Variants in CPZ observed in about 807,000 individuals in gnomAD.
CPZ encodes the protein carboxypeptidase Z, also known as VEZT/CPZ fusion.
Under a neutral mutation model 61.8 loss-of-function variants are expected in CPZ, and 103 were observed. The observed-to-expected ratio is 1.67, with a 90% confidence interval of 1.42 to 1.96. The LOEUF is 1.96. CPZ is among the 30% of genes most tolerant of loss of function. The pLI, the probability that CPZ is intolerant of heterozygous loss-of-function variation, is 0.00. For synonymous variants in CPZ, 551 were observed against 373.7 expected, an observed-to-expected ratio of 1.47 and a Z score of -5.47; for missense variants, 1,461 against 914.9, an observed-to-expected ratio of 1.60 and a Z score of -7.70.
intron 10 of CPZ, 55 bp downstream of exon 10, chr4:8,618,583 A>T: frequency 6.5e-7 from 1 of 1,527,974 alleles, no homozygotes; most frequent in Non-Finnish European, 9.0e-7. Context: ...GAAATGCCAC[A>T]CCGTGGCAGC....
intron 2 of CPZ, among the ~76,000 whole-genome samples, chr4:8,600,689 C>A (rs895699383): frequency 3.3e-5 from 5 of 152,232 alleles, no homozygotes; most frequent in African/African-American, 1.2e-4. Flanking sequence ...TCCTGAGCCC[C>A]AACTGACCCA....
At chr4:8,606,233 C>T (rs1714991057) in intron 5 of CPZ, 48 bp downstream of exon 5, 8 of 1,539,058 alleles carry the variant, frequency 5.2e-6, no homozygotes, top group Non-Finnish European at 7.1e-6. Flanking sequence ...CCGAACCACC[C>T]CCTCATTCAT....
rs371380953 is a variant in CPZ, at chr4:8,618,477, G to C, written c.1552G>C (p.Val518Leu). ...GGTGACAGATAAATTCGGCAAGCCA[G>C]TCAAAAACGCCCGGATCTCAGTCAA... ...GVVTDKFGKPVKNARISVKGI... is the reference protein window; with the variant it reads ...GVVTDKFGKPLKNARISVKGI... The change falls in exon 10 of 11, where the codon GTC becomes CTC. Residue 518 changes from valine to leucine, a missense_variant. Physicochemically the swap from Val to Leu is conservative, Grantham distance 32 (BLOSUM62 1). Transcript: ENST00000360986. 1.5e-5 allele frequency: 24 copies of C among 1,613,960 alleles called. No individual in the cohort carries two copies. The African/African-American group carries it at 3.1e-4, about 21-fold the overall frequency.
chr4:8,609,127 T>TCATTTACTCATTCACCCATTCAC (rs1715348301), intron 7 of CPZ, among the ~76,000 whole-genome samples: 2 of 139,360 alleles, frequency 1.4e-5, no homozygotes, highest in Non-Finnish European at 3.1e-5. Context: ...CCCTCACTCA[T>TCATTTACTCATTCACCCATTCAC]TCACTCATTT....
chr4:8,601,368 G>T lies in CPZ; in HGVS notation c.367G>T (p.Glu123Ter), dbSNP rs376055281. 4.4e-6 allele frequency: 7 copies of T among 1,601,508 alleles called. No homozygotes were observed. In the African/African-American group the frequency reaches 9.4e-5, roughly 21 times the overall value. Reference sequence around the variant, plus strand: ...GCGCAGACCCTGCCGGCACATCTGCGAGGGCCTGCGGGAGGTCTGCCAGCC... The same window carrying T: ...GCGCAGACCCTGCCGGCACATCTGCTAGGGCCTGCGGGAGGTCTGCCAGCC... The part of the protein sequence containing the change: ...WVRRPCRHIC[E>*]GLREVCQPAF... The change falls in exon 3 of 11, where the codon GAG (glutamate) becomes TAG (stop). Residue 123 changes from glutamate (E) to a stop codon, truncating the protein, a stop_gained. Transcript: ENST00000360986. LOFTEE classifies it high-confidence loss of function.
intron 10 of CPZ, among the ~76,000 whole-genome samples, 154 bp downstream of exon 10, chr4:8,618,682 G>C (rs1347987337): frequency 6.6e-6 from 1 of 152,196 alleles, no homozygotes; most frequent in Non-Finnish European, 1.5e-5. Context: ...AGGGTGGGCA[G>C]GAACCAGGGT....
At chr4:8,611,884 C>T in intron 7 of CPZ, 143 bp from the exon 8 acceptor site, 2 of 1,188,982 alleles carry the variant, frequency 1.7e-6, no homozygotes, top group Non-Finnish European at 2.4e-6. Flanking sequence ...GACACCGTTC[C>T]CCTCTCCTAC....
chr4:8,616,930 G>C (rs539938236), intron 9 of CPZ, among the ~76,000 whole-genome samples: 1 of 152,308 alleles, frequency 6.6e-6, no homozygotes, highest in African/African-American at 2.4e-5. Flanking sequence ...CGCGTCAGGA[G>C]GGCTGGGACC....
intron 9 of CPZ, 69 bp from the exon 10 acceptor site, chr4:8,618,360 G>A (rs530501799): frequency 2.6e-5 from 38 of 1,471,108 alleles, no homozygotes; most frequent in Non-Finnish European, 3.4e-5. Context: ...TGTGGGGAAC[G>A]AGCTGACGGC....
At position 8,600,927 on chromosome 4, in the gene CPZ, G is replaced by T. The variant is rs999300451; in HGVS notation, c.122-196G>T. 3 of 1,342,730 alleles carry T rather than the reference G, an allele frequency of 2.2e-6. No homozygotes were observed. The African/African-American group carries it at 4.5e-5, about 20-fold the overall frequency. The allele number at this position is 1,342,730 out of a possible 1,614,324, so 83.2% of individuals were successfully genotyped here. On this transcript the variant is annotated intron_variant, in intron 2 of 10. Transcript: ENST00000360986. ...GCTGGTGGGTAGTTGAATCTGGTTG[G>T]TCTTAGGCTCCTCCTCTGGTCTCTC...
At chr4:8,598,399 C>T (rs980921642) in intron 1 of CPZ, among the ~76,000 whole-genome samples, 7 of 152,260 alleles carry the variant, frequency 4.6e-5, no homozygotes, top group South Asian at 2.1e-4. Flanking sequence ...CTCCGAAAAG[C>T]GGCCTGCACT....
At chr4:8,611,284 T>G in intron 7 of CPZ, 1 of 456,180 alleles carries the variant, frequency 2.2e-6, no homozygotes, top group South Asian at 1.5e-5. Context: ...GTCTGGGACT[T>G]ACAGACGGCC....
At chr4:8,619,238 C>T (rs1286635052) in intron 10 of CPZ, 24 bp from the exon 11 acceptor site, 2 of 1,577,294 alleles carry the variant, frequency 1.3e-6, no homozygotes, top group Non-Finnish European at 1.7e-6. Context: ...TCGTGAGAAT[C>T]ATTTTTAATC....
intron 1 of CPZ, among the ~76,000 whole-genome samples, chr4:8,593,146 A>G (rs1713921967): frequency 6.6e-6 from 1 of 151,962 alleles, no homozygotes; most frequent in African/African-American, 2.4e-5. Flanking sequence ...CCAGGCCGGG[A>G]CCCCAGGCAG....
chr4:8,603,877 C>A (rs1714751077), intron 3 of CPZ, 99 bp from the exon 4 acceptor site: 3 of 998,294 alleles, frequency 3.0e-6, no homozygotes, highest in South Asian at 2.7e-5. Context: ...GGCTGTCGTG[C>A]AGAGGGGACT....
At position 8,619,462 on chromosome 4, in the gene CPZ, G is replaced by T. The variant is rs151079768; in HGVS notation, c.1804G>T (p.Asp602Tyr). ...TGGGCTGCGGAGGACTGGGCCCCAC[G>T]ACCCACTGGGAGGTGCCAGCTCTTT... ...IHGLRRTGPH[D>Y]PLGGASSLGE... The change falls in exon 11 of 11, where the codon GAC becomes TAC. Residue 602 changes from aspartate (D) to tyrosine (Y), a missense_variant. Physicochemically the swap from Asp to Tyr is radical, Grantham distance 160 (BLOSUM62 -3). Coordinates refer to ENST00000360986, the MANE Select transcript of CPZ (RefSeq NM_001014447.3). 2.5e-6 allele frequency: 4 copies of T among 1,611,390 alleles called. No homozygotes were observed. In the African/African-American group the frequency reaches 5.3e-5, roughly 22 times the overall value.
intron 10 of CPZ, 64 bp from the exon 11 acceptor site, chr4:8,619,198 C>G (rs2109352402): frequency 7.1e-7 from 1 of 1,404,598 alleles, no homozygotes; most frequent in African/African-American, 1.4e-5. Flanking sequence ...ATATCCATCA[C>G]CCATCACCCC....
At chr4:8,606,706 C>CCACCCAGT (rs1715040668) in intron 5 of CPZ, 31 bp from the exon 6 acceptor site, 3 of 1,613,672 alleles carry the variant, frequency 1.9e-6, no homozygotes, top group Non-Finnish European at 2.5e-6. Context: ...TGTGCTGACC[C>CCACCCAGT]CACCCAGTCG....
chr4:8,608,668 A>G (rs1276017003), intron 7 of CPZ, among the ~76,000 whole-genome samples: 1 of 19,424 alleles, frequency 5.1e-5, no homozygotes, highest in Non-Finnish European at 1.2e-4. Flanking sequence ...GCATGTGCAC[A>G]CGTGCATATG....
Sources: gnomAD v4.1 joint callset for allele counts (sites outside exome capture counted in the v4.1 genomes callset) on GRCh38, gnomAD v4.1.1 for gene constraint, MANE v1.5 for transcripts, NCBI Gene and HGNC (gene_info 2026-07-23, HGNC 2026-07-21) for gene names.